DISC1: variants seen among roughly 807,000 people sequenced by gnomAD.
DISC1 encodes the protein DISC1 scaffold protein.
A neutral mutation model predicts 84.5 loss-of-function variants in DISC1; 57 were observed. The ratio of observed to expected loss-of-function variants is 0.67; its 90% CI spans 0.55 to 0.84. The LOEUF is 0.84. DISC1 is among the 40% of genes least tolerant of loss of function. The probability of loss-of-function intolerance (pLI) is 0.00; values close to 1 mark genes in which losing one functional copy is unlikely to be tolerated. For synonymous variants in DISC1, 411 were observed against 415.2 expected, an observed-to-expected ratio of 0.99 and a Z score of 0.12; for missense variants, 1,000 against 1,057.8, an observed-to-expected ratio of 0.95 and a Z score of 0.76.
At chr1:231,734,933 C>T (rs957491790) in intron 3 of DISC1, among the ~76,000 whole-genome samples, 1 of 152,174 alleles carries the variant, frequency 6.6e-6, no homozygotes, top group Admixed American at 6.5e-5. Context: ...GCTATGGAAA[C>T]CAAGCTTACC....
chr1:231,701,038 C>T (rs574998622), intron 2 of DISC1, among the ~76,000 whole-genome samples: 36 of 152,230 alleles, frequency 2.4e-4, no homozygotes, highest in Non-Finnish European at 1.5e-4. Context: ...CTAATAAAGA[C>T]GTACCCAAGT....
chr1:231,901,755 A>T (rs1428732910), intron 9 of DISC1, among the ~76,000 whole-genome samples: 1 of 152,138 alleles, frequency 6.6e-6, no homozygotes, highest in East Asian at 1.9e-4. Context: ...TTAATCATGC[A>T]GTGTATTGCT....
intron 9 of DISC1, among the ~76,000 whole-genome samples, chr1:231,882,261 C>T (rs1358014180): frequency 1.3e-5 from 2 of 152,072 alleles, no homozygotes; most frequent in Non-Finnish European, 2.9e-5. Context: ...CTAAATATTC[C>T]CTGGAGCCAT....
chr1:231,717,679 G>A (rs371357886), intron 3 of DISC1, among the ~76,000 whole-genome samples: 13 of 152,158 alleles, frequency 8.5e-5, no homozygotes, highest in African/African-American at 3.1e-4. Flanking sequence ...ACTGCCAAAA[G>A]TCTCCAGGTC....
rs1272412466 is a variant in DISC1 at position 232,008,795 on chromosome 1, C to T, written c.2053C>T (p.Pro685Ser). ...TCCTCTCTGTCTCAGCTGCAAGTGT[C>T]CACTGCTTGGGAAAGTGTGGGAAGC... ...LKNKLCSCKCPLLGKVWEADL... is the reference protein window; with the variant it reads ...LKNKLCSCKCSLLGKVWEADL... Residue 685 changes from proline to serine, a missense_variant, in exon 11 of 13, where the codon CCA becomes TCA. Pro to Ser is a moderately conservative substitution (Grantham distance 74). Coordinates refer to ENST00000439617, the MANE Select transcript of DISC1 (RefSeq NM_018662.3). 1 of 1,567,544 alleles carries T rather than the reference C, an allele frequency of 6.4e-7. No individual in the cohort carries two copies. Among genetic ancestry groups the T allele is most frequent in the Non-Finnish European group, 8.6e-7 (1 of 1,156,612 alleles).
At chr1:231,779,549 GTTTTTTTTTTTTTT>G (rs762129889) in intron 6 of DISC1, among the ~76,000 whole-genome samples, 2 of 53,570 alleles carry the variant, frequency 3.7e-5, no homozygotes, top group Non-Finnish European at 6.8e-5. Context: ...ACCTATTCTT[GTTTTTTTTTTTTTT>G]TTTTTTTTTT....
At chr1:231,704,557 C>A (rs1188095687) in intron 3 of DISC1, among the ~76,000 whole-genome samples, 1 of 151,940 alleles carries the variant, frequency 6.6e-6, no homozygotes, top group Non-Finnish European at 1.5e-5. Flanking sequence ...GAGATCGATA[C>A]CATCCTGGCT....
chr1:231,666,783 A>G (rs543478195), intron 1 of DISC1, among the ~76,000 whole-genome samples: 1 of 152,274 alleles, frequency 6.6e-6, no homozygotes, highest in East Asian at 1.9e-4. Flanking sequence ...CCCCATCGTA[A>G]TGGGCTCTGA....
chr1:231,628,689 T>C (rs1417379140), intron 1 of DISC1, among the ~76,000 whole-genome samples: 1 of 152,226 alleles, frequency 6.6e-6, no homozygotes, highest in African/African-American at 2.4e-5. Context: ...CTTGCCAAAC[T>C]GAACTTATAG....
At chr1:232,026,854 T>C (rs1205747252) in intron 12 of DISC1, among the ~76,000 whole-genome samples, 1 of 148,384 alleles carries the variant, frequency 6.7e-6, no homozygotes, top group Non-Finnish European at 1.5e-5. Context: ...GTTCAAACGG[T>C]TCTCCTGCCT....
At chr1:231,907,478 C>T (rs1375356220) in intron 9 of DISC1, among the ~76,000 whole-genome samples, 2 of 152,018 alleles carry the variant, frequency 1.3e-5, no homozygotes, top group African/African-American at 4.8e-5. Context: ...CATCCATTTC[C>T]CTACAAAGGA....
intron 8 of DISC1, among the ~76,000 whole-genome samples, chr1:231,811,233 A>C (rs2080260643): frequency 1.3e-5 from 2 of 152,230 alleles, no homozygotes; most frequent in African/African-American, 4.8e-5. Context: ...CCCTGACAGA[A>C]AATGGCAAAT....
At chr1:231,873,834 G>C (rs2085644807) in intron 9 of DISC1, among the ~76,000 whole-genome samples, 1 of 125,660 alleles carries the variant, frequency 8.0e-6, no homozygotes, top group Non-Finnish European at 1.6e-5. Flanking sequence ...CATTGGAAGA[G>C]GGCATCTTAA....
intron 10 of DISC1, among the ~76,000 whole-genome samples, chr1:231,997,992 G>C (rs1253616090): frequency 6.6e-6 from 1 of 152,000 alleles, no homozygotes; most frequent in African/African-American, 2.4e-5. Context: ...GACATACAAG[G>C]TGTTCAACAC....
chr1:231,686,583 T>C (rs534428462), intron 1 of DISC1, among the ~76,000 whole-genome samples: 1 of 152,256 alleles, frequency 6.6e-6, no homozygotes, highest in South Asian at 2.1e-4. Flanking sequence ...AACCTTTTTT[T>C]CCTCCTGGGC....
chr1:232,009,476 TA>T lies in DISC1; in HGVS notation c.2307+428del, dbSNP rs1199251273. The T allele has an allele frequency of 1.6e-6, 1 of 611,528 alleles. No homozygotes were observed. Among genetic ancestry groups the T allele is most frequent in the African/African-American group, 2.0e-5 (1 of 49,388 alleles). 37.9% of individuals were successfully genotyped at this position (611,528 alleles called of 1,614,324 possible). ...ATGATGTTTATATATTTAGAATCTA[TA>T]TATTACAATATATTATTATTTATTT... On this transcript the variant is annotated intron_variant, in intron 11 of 12. Coordinates refer to ENST00000439617, the MANE Select transcript of DISC1 (RefSeq NM_018662.3). The surrounding 1 kb of genome is among the most constrained non-coding windows in gnomAD (Gnocchi z 4.6).
At chr1:231,647,791 A>G (rs1007575802) in intron 1 of DISC1, among the ~76,000 whole-genome samples, 2 of 152,096 alleles carry the variant, frequency 1.3e-5, no homozygotes, top group African/African-American at 4.8e-5. Context: ...TGTAAGTTGG[A>G]TTCCTCGGTG....
intron 10 of DISC1, among the ~76,000 whole-genome samples, chr1:231,964,046 G>C (rs898204286): frequency 6.6e-6 from 1 of 152,168 alleles, no homozygotes; most frequent in African/African-American, 2.4e-5. Context: ...TCTGCTTGTG[G>C]ATTTCATTTC....
intron 4 of DISC1, among the ~76,000 whole-genome samples, chr1:231,753,512 T>G (rs1286637988): frequency 6.6e-6 from 1 of 152,218 alleles, no homozygotes; most frequent in Non-Finnish European, 1.5e-5. Context: ...GGCTGGCCCA[T>G]GAAACCATTC....
Sources: allele counts gnomAD v4.1 joint callset (sites outside exome capture counted in the v4.1 genomes callset), GRCh38; gene constraint gnomAD v4.1.1; non-coding constraint Gnocchi (gnomAD v3.1); transcripts MANE v1.5; gene names NCBI Gene and HGNC (gene_info 2026-07-23, HGNC 2026-07-21).